Variants in PCDH9 observed in about 807,000 individuals in gnomAD.
PCDH9 encodes the protein protocadherin-9.
Under a neutral mutation model 70.6 loss-of-function variants are expected in PCDH9, and 24 were observed. The ratio of observed to expected loss-of-function variants is 0.34; its 90% CI spans 0.25 to 0.48. The LOEUF (loss-of-function observed/expected upper bound fraction) is 0.48, where lower values mean the gene tolerates loss of function less well. Ranked by LOEUF, PCDH9 falls within the 20% of genes least tolerant of loss-of-function variation. The pLI, the probability that PCDH9 is intolerant of heterozygous loss-of-function variation, is 0.99. For synonymous variants in PCDH9, 562 were observed against 558.5 expected, an observed-to-expected ratio of 1.01 and a Z score of -0.09; for missense variants, 1,281 against 1,503.6, an observed-to-expected ratio of 0.85 and a Z score of 2.45.
intron 2 of PCDH9, chr13:67,225,174 C>A: frequency 1.5e-6 from 2 of 1,367,556 alleles, no homozygotes; most frequent in East Asian, 2.7e-5. Context: ...TCATCTTTTG[C>A]CATTTGAAGG....
intron 4 of PCDH9, among the ~76,000 whole-genome samples, chr13:66,428,147 C>A (rs959820245): frequency 1.3e-5 from 2 of 151,714 alleles, no homozygotes; most frequent in African/African-American, 4.8e-5. Flanking sequence ...AAGTTTTGCA[C>A]ACCAGTGTCC....
chr13:66,710,169 C>T (rs988327971), intron 3 of PCDH9, among the ~76,000 whole-genome samples: 1 of 152,032 alleles, frequency 6.6e-6, no homozygotes, highest in Non-Finnish European at 1.5e-5. Flanking sequence ...TAACATACAA[C>T]TAGAACTAGA....
At chr13:66,307,555 A>T (rs1247443936) in intron 4 of PCDH9, among the ~76,000 whole-genome samples, 1 of 152,088 alleles carries the variant, frequency 6.6e-6, no homozygotes, top group Non-Finnish European at 1.5e-5. Flanking sequence ...CTAAACATCA[A>T]TGGAGTTAAT....
At chr13:66,844,953 G>A (rs561418413) in intron 3 of PCDH9, among the ~76,000 whole-genome samples, 3 of 152,254 alleles carry the variant, frequency 2.0e-5, no homozygotes, top group Admixed American at 1.3e-4. Context: ...TATGGCCACT[G>A]GTGCCTTTGC....
chr13:67,195,970 A>AT (rs1188095081), intron 2 of PCDH9, among the ~76,000 whole-genome samples: 1 of 152,172 alleles, frequency 6.6e-6, no homozygotes, highest in Non-Finnish European at 1.5e-5. Flanking sequence ...TGAGTGACTT[A>AT]TATGATATGT....
chr13:66,468,071 C>T (rs1958549816), intron 4 of PCDH9, among the ~76,000 whole-genome samples: 1 of 152,048 alleles, frequency 6.6e-6, no homozygotes, highest in Non-Finnish European at 1.5e-5. Flanking sequence ...CTCCTCCATG[C>T]TCCAGCTGGA....
At chr13:66,378,588 A>G (rs1956790412) in intron 4 of PCDH9, among the ~76,000 whole-genome samples, 1 of 152,192 alleles carries the variant, frequency 6.6e-6, no homozygotes, top group Non-Finnish European at 1.5e-5. Flanking sequence ...ATGATTCTAG[A>G]ATTTCTTCAC....
At chr13:66,712,950 T>C (rs980963151) in intron 3 of PCDH9, among the ~76,000 whole-genome samples, 5 of 152,318 alleles carry the variant, frequency 3.3e-5, no homozygotes, top group African/African-American at 1.2e-4. Flanking sequence ...AATATATTTT[T>C]AGATCATCCA....
chr13:67,169,550 T>C (rs1002078782), intron 2 of PCDH9, among the ~76,000 whole-genome samples: 1 of 152,186 alleles, frequency 6.6e-6, no homozygotes, highest in African/African-American at 2.4e-5. Context: ...TTAATTATTG[T>C]TATTGAAATG....
intron 3 of PCDH9, among the ~76,000 whole-genome samples, chr13:66,855,489 C>T (rs1417058459): frequency 6.6e-6 from 1 of 151,948 alleles, no homozygotes; most frequent in African/African-American, 2.4e-5. Flanking sequence ...GCTTTTGGAG[C>T]CTTCATTCAT....
At chr13:66,425,101 G>A (rs949389947) in intron 4 of PCDH9, among the ~76,000 whole-genome samples, 7 of 151,756 alleles carry the variant, frequency 4.6e-5, no homozygotes, top group African/African-American at 1.7e-4. Context: ...ATTATATTAT[G>A]TTCATCATTT....
At chr13:66,453,593 A>G (rs922834947) in intron 4 of PCDH9, among the ~76,000 whole-genome samples, 2 of 152,136 alleles carry the variant, frequency 1.3e-5, no homozygotes, top group Non-Finnish European at 2.9e-5. Flanking sequence ...AGTTAATTAA[A>G]TCAGCTTCTC....
chr13:67,074,652 A>G (rs974105142), intron 2 of PCDH9, among the ~76,000 whole-genome samples: 11 of 152,160 alleles, frequency 7.2e-5, no homozygotes, highest in Non-Finnish European at 1.3e-4. Flanking sequence ...AAGAAAACTG[A>G]GACAAGAACT....
At chr13:66,578,602 T>G (rs2076847586) in intron 4 of PCDH9, among the ~76,000 whole-genome samples, 1 of 152,064 alleles carries the variant, frequency 6.6e-6, no homozygotes, top group Non-Finnish European at 1.5e-5. Context: ...CAGACTAGCA[T>G]ATTTTACAAA....
intron 2 of PCDH9, among the ~76,000 whole-genome samples, chr13:66,957,781 A>T (rs920803044): frequency 1.5e-3 from 225 of 152,074 alleles, no homozygotes; most frequent in African/African-American, 5.1e-3. Context: ...ACCCAACCAC[A>T]CTGGCACTCT....
At chr13:66,400,626 G>T (rs1289061924) in intron 4 of PCDH9, among the ~76,000 whole-genome samples, 1 of 152,154 alleles carries the variant, frequency 6.6e-6, no homozygotes, top group South Asian at 2.1e-4. Context: ...AAACTCATAG[G>T]CTATCTATTC....
intron 2 of PCDH9, among the ~76,000 whole-genome samples, chr13:66,934,807 G>A (rs1226471817): frequency 1.8e-5 from 2 of 112,104 alleles, no homozygotes; most frequent in Non-Finnish European, 3.3e-5. Flanking sequence ...TGCAAGCTCC[G>A]CCTCCCGGGT....
chr13:67,105,327 C>T (rs371567944), intron 2 of PCDH9, among the ~76,000 whole-genome samples: 3 of 152,014 alleles, frequency 2.0e-5, no homozygotes, highest in Non-Finnish European at 4.4e-5. Flanking sequence ...CAAAGAAATT[C>T]TAAACTTTGG....
chr13:67,006,083 C>T (rs775274452), intron 2 of PCDH9, among the ~76,000 whole-genome samples: 5 of 152,112 alleles, frequency 3.3e-5, no homozygotes, highest in Admixed American at 6.5e-5. Context: ...AAAAATTAGT[C>T]GGGCCTGGCG....
Sources: gnomAD v4.1 joint callset for allele counts (sites outside exome capture counted in the v4.1 genomes callset) on GRCh38, gnomAD v4.1.1 for gene constraint, MANE v1.5 for transcripts, NCBI Gene and HGNC (gene_info 2026-07-23, HGNC 2026-07-21) for gene names.